The following CACNA2D2 variants were observed in gnomAD, a reference collection of about 807,000 sequenced individuals.
The protein encoded by CACNA2D2 is voltage-dependent calcium channel subunit alpha-2/delta-2.
Under a neutral mutation model 166.4 loss-of-function variants are expected in CACNA2D2, and 48 were observed. The ratio of observed to expected loss-of-function variants is 0.29; its 90% CI spans 0.23 to 0.37. The LOEUF (loss-of-function observed/expected upper bound fraction) is 0.37, where lower values mean the gene tolerates loss of function less well. Among genes scored for constraint, CACNA2D2 ranks in the 10% least tolerant of loss-of-function variants. The pLI is 1.00. For missense variants in CACNA2D2, 1,122 were observed against 1,433.0 expected (o/e 0.78, Z 3.50); for synonymous variants, 561 against 573.7 (o/e 0.98, Z 0.32).
intron 3 of CACNA2D2, among the ~76,000 whole-genome samples, chr3:50,422,799 G>A (rs1372328764): frequency 1.3e-5 from 2 of 152,226 alleles, no homozygotes; most frequent in Non-Finnish European, 2.9e-5. Flanking sequence ...CCAGTTGCCT[G>A]ATCCATGCTG....
rs1453368750 is a variant in CACNA2D2 at position 50,374,833 on chromosome 3, G to C, written c.1908-20C>G. On this transcript the variant is annotated intron_variant, in intron 21 of 37. Coordinates refer to ENST00000424201, the MANE Select transcript of CACNA2D2 (RefSeq NM_006030.4). ...CCCAGGCTGAGGGGGGAGAAGCTCG[G>C]GTCACGGCTGGGGGGAGGCGGGCCA... is the stretch of plus-strand genomic sequence containing the variant. 7 of 1,569,156 alleles carry C rather than the reference G, an allele frequency of 4.5e-6. No homozygotes were observed. Among genetic ancestry groups the C allele is most frequent in the Non-Finnish European group, 6.1e-6 (7 of 1,157,020 alleles).
intron 21 of CACNA2D2, 29 bp from the exon 22 acceptor site, chr3:50,374,842 T>TG: frequency 6.5e-7 from 1 of 1,546,732 alleles, no homozygotes; most frequent in East Asian, 2.4e-5. Context: ...GGGTCACGGC[T>TG]GGGGGGAGGC....
chr3:50,384,171 T>C (rs1382719521), intron 6 of CACNA2D2, 25 bp downstream of exon 6: 3 of 1,611,516 alleles, frequency 1.9e-6, no homozygotes, highest in Non-Finnish European at 2.5e-6. Flanking sequence ...TGGGATGGGC[T>C]GTCCCGATTG....
chr3:50,461,883 G>C (rs1046122428), intron 2 of CACNA2D2, among the ~76,000 whole-genome samples: 2 of 152,216 alleles, frequency 1.3e-5, no homozygotes, highest in Non-Finnish European at 1.5e-5. Flanking sequence ...AACCCCAAGA[G>C]GGGGAAAGGA....
intron 3 of CACNA2D2, among the ~76,000 whole-genome samples, chr3:50,417,170 C>T (rs1358559888): frequency 6.6e-6 from 1 of 152,158 alleles, no homozygotes; most frequent in Non-Finnish European, 1.5e-5. Context: ...CCTCCCACCC[C>T]ATCTCCTCAG....
At chr3:50,392,849 G>C (rs975670857) in intron 4 of CACNA2D2, among the ~76,000 whole-genome samples, 1 of 152,232 alleles carries the variant, frequency 6.6e-6, no homozygotes. Context: ...GGTCAGTCCT[G>C]TCTCCTGGGG....
At chr3:50,387,169 G>A (rs1271527682) in intron 5 of CACNA2D2, among the ~76,000 whole-genome samples, 2 of 152,274 alleles carry the variant, frequency 1.3e-5, no homozygotes, top group African/African-American at 2.4e-5. Flanking sequence ...GCACAGGGAA[G>A]GGAGCTGGCC....
intron 1 of CACNA2D2, among the ~76,000 whole-genome samples, chr3:50,480,891 GGAGGAA>G: frequency 1.9e-5 from 1 of 53,358 alleles, no homozygotes; most frequent in Non-Finnish European, 4.2e-5. Context: ...GGAGGAAAGG[GGAGGAA>G]GGGGGAGGAA....
intron 2 of CACNA2D2, among the ~76,000 whole-genome samples, chr3:50,455,218 C>T (rs1709296600): frequency 6.6e-6 from 1 of 152,226 alleles, no homozygotes; most frequent in South Asian, 2.1e-4. Flanking sequence ...ATACTCGGAC[C>T]CTCGCCCATG....
In CACNA2D2 at chr3:50,376,243, G is replaced by A; in HGVS notation, c.1627-55C>T. The A allele has an allele frequency of 6.3e-7, 1 of 1,576,332 alleles. No individual in the cohort carries two copies. The highest frequency in any genetic ancestry group is 8.7e-7 in the Non-Finnish European group (1 of 1,150,276). On this transcript the variant is annotated intron_variant, in intron 17 of 37. Coordinates refer to ENST00000424201, the MANE Select transcript of CACNA2D2 (RefSeq NM_006030.4). This position sits in a 1 kb window ranked among gnomAD's most constrained non-coding sequence, Gnocchi z 4.3. ...TGGAGGGATGGGCTGGGGTTCCCTG[G>A]GCTCCGGAGTTCTTCCCTATTTGGC...
At chr3:50,487,363 C>A (rs888013108) in intron 1 of CACNA2D2, among the ~76,000 whole-genome samples, 1 of 152,244 alleles carries the variant, frequency 6.6e-6, no homozygotes, top group African/African-American at 2.4e-5. Flanking sequence ...CAGGGCTATC[C>A]TGCAGTAGGA....
chr3:50,393,414 T>C (rs1705982612), intron 4 of CACNA2D2, among the ~76,000 whole-genome samples: 1 of 152,210 alleles, frequency 6.6e-6, no homozygotes, highest in Non-Finnish European at 1.5e-5. Flanking sequence ...GAGCCCTGCC[T>C]CCGTCTGATG....
rs772683542 is a variant in CACNA2D2, at chr3:50,364,765, C to T, written c.3333G>A (p.Pro1111=). Residue 1111 remains proline, a synonymous_variant, in exon 38 of 38, where the codon CCG becomes CCA. Coordinates refer to ENST00000424201, the MANE Select transcript of CACNA2D2 (RefSeq NM_006030.4). ...GCAGGGAGACCAGGACGCCCAGCGA[C>T]GGCGGGAAGGAGGCCCCGCGGCCAC... ...SDCGRGASFP[P]SLGVLVSLQL... The T allele has an allele frequency of 1.3e-5, 20 of 1,584,026 alleles. No individual in the cohort carries two copies. In the Admixed American group the frequency reaches 3.6e-4, roughly 28 times the overall value.
chr3:50,416,590 C>G (rs1477480309), intron 3 of CACNA2D2, among the ~76,000 whole-genome samples: 2 of 152,224 alleles, frequency 1.3e-5, no homozygotes, highest in African/African-American at 2.4e-5. Context: ...CTGCTCTGTC[C>G]TGGGCCCCAG....
intron 2 of CACNA2D2, among the ~76,000 whole-genome samples, chr3:50,448,507 G>C (rs1708959048): frequency 6.6e-6 from 1 of 152,192 alleles, no homozygotes; most frequent in South Asian, 2.1e-4. Context: ...ATGACCCAGT[G>C]TATGTCTCCA....
chr3:50,435,217 G>A (rs1169338954), intron 2 of CACNA2D2, among the ~76,000 whole-genome samples: 1 of 151,930 alleles, frequency 6.6e-6, no homozygotes, highest in Non-Finnish European at 1.5e-5. Context: ...TGGGGTGAGG[G>A]TCTCTAACCC....
At chr3:50,439,549 C>A (rs960460026) in intron 2 of CACNA2D2, among the ~76,000 whole-genome samples, 28 of 152,356 alleles carry the variant, frequency 1.8e-4, no homozygotes, top group African/African-American at 6.0e-4. Flanking sequence ...GACTGGCGCT[C>A]CAATCCCCTC....
intron 2 of CACNA2D2, among the ~76,000 whole-genome samples, chr3:50,453,662 G>C (rs893515348): frequency 3.9e-5 from 6 of 152,214 alleles, no homozygotes; most frequent in Non-Finnish European, 8.8e-5. Flanking sequence ...CACCCCATCT[G>C]TCTGAATCTT....
At chr3:50,384,380 G>A (rs775742790) in intron 5 of CACNA2D2, 43 bp from the exon 6 acceptor site, 1 of 1,606,722 alleles carries the variant, frequency 6.2e-7, no homozygotes, top group South Asian at 1.1e-5. Flanking sequence ...GCTGGAAAAT[G>A]GTGAATTGGG....
Sources: allele counts gnomAD v4.1 joint callset (sites outside exome capture counted in the v4.1 genomes callset), GRCh38; gene constraint gnomAD v4.1.1; non-coding constraint Gnocchi (gnomAD v3.1); transcripts MANE v1.5; gene names NCBI Gene and HGNC (gene_info 2026-07-23, HGNC 2026-07-21).